Variants in NRIP2 observed in about 807,000 individuals in gnomAD.
NRIP2 encodes the protein nuclear receptor interacting protein 2.
A neutral mutation model predicts 34.1 loss-of-function variants in NRIP2; 27 were observed. The ratio of observed to expected loss-of-function variants is 0.79; its 90% CI spans 0.58 to 1.09. The LOEUF (loss-of-function observed/expected upper bound fraction) is 1.09, where lower values mean the gene tolerates loss of function less well. Among genes scored for constraint, NRIP2 ranks in the 50% least tolerant of loss-of-function variants. NRIP2 has a pLI of 0.00. For synonymous variants in NRIP2, 145 were observed against 146.9 expected (o/e 0.99, Z 0.09); for missense variants, 385 against 352.6 (o/e 1.09, Z -0.74).
Position 2,827,355 on chromosome 12 carries a change from G to A in NRIP2, c.754-56C>T. ...ACCTCAGCCCGCCACCTGCCTCCCG[G>A]CCTGCTCCTTTTGTTCCCCCTCCCA... On this transcript the variant is annotated intron_variant, in intron 5 of 5. Transcript: ENST00000337508. This position sits in a 1 kb window ranked among gnomAD's most constrained non-coding sequence, Gnocchi z 4.0. 1 of 1,567,438 alleles carries A rather than the reference G, an allele frequency of 6.4e-7. No individual in the cohort carries two copies. Among genetic ancestry groups the A allele is most frequent in the Middle Eastern group, 1.9e-4 (1 of 5,380 alleles).
intron 2 of NRIP2, among the ~76,000 whole-genome samples, chr12:2,828,851 CAAAA>C (rs914259779): frequency 5.9e-5 from 9 of 151,760 alleles, no homozygotes; most frequent in Non-Finnish European, 1.0e-4. Flanking sequence ...TCAAAACAAA[CAAAA>C]AAACTGGTTT....
Position 2,827,349 on chromosome 12 carries a change from C to G in NRIP2, c.754-50G>C. 1 of 1,578,068 alleles carries G rather than the reference C, an allele frequency of 6.3e-7. No individual in the cohort carries two copies. The highest frequency in any genetic ancestry group is 8.6e-7 in the Non-Finnish European group (1 of 1,165,020). On this transcript the variant is annotated intron_variant, in intron 5 of 5. Transcript: ENST00000337508. The surrounding 1 kb of genome is among the most constrained non-coding windows in gnomAD (Gnocchi z 4.0). ...CAGGTCACCTCAGCCCGCCACCTGC[C>G]TCCCGGCCTGCTCCTTTTGTTCCCC...
At position 2,825,577 on chromosome 12, in the gene NRIP2, G is replaced by GAGGGCAGGGGAGGCAGCTGAGAA. The variant is rs375141106; in HGVS notation, c.*1607_*1629dup. 1.4e-4 allele frequency: 21 copies of GAGGGCAGGGGAGGCAGCTGAGAA among 152,814 alleles called. No individual in the cohort carries two copies. The highest frequency in any genetic ancestry group is 9.2e-4 in the Admixed American group (14 of 15,294). The allele number at this position is 152,814 out of a possible 1,614,324, so 9.5% of individuals were successfully genotyped here. Reference sequence around the variant, plus strand: ...TAAGTGAGCCCTCTCCTTTCCTTCTGAGGGCAGGGGAGGCAGCTGAGAAAG... The same window carrying GAGGGCAGGGGAGGCAGCTGAGAA: ...TAAGTGAGCCCTCTCCTTTCCTTCTGAGGGCAGGGGAGGCAGCTGAGAAAGGGCAGGGGAGGCAGCTGAGAAAG... On this transcript the variant is annotated 3_prime_UTR_variant, in exon 6 of 6. Transcript: ENST00000337508.
In NRIP2 at chr12:2,827,423, C is replaced by T; in HGVS notation, c.754-124G>A. ...CTGCCTTTTGCTCTTCCCCCATCCC[C>T]ATTTCCCTAGACTCCTGTTGAAGGG... On this transcript the variant is annotated intron_variant, in intron 5 of 5. Coordinates refer to ENST00000337508, the MANE Select transcript of NRIP2 (RefSeq NM_031474.3). This position sits in a 1 kb window ranked among gnomAD's most constrained non-coding sequence, Gnocchi z 4.0. The T allele has an allele frequency of 6.6e-7, 1 of 1,522,564 alleles. No homozygotes were observed. The highest frequency in any genetic ancestry group is 2.3e-5 in the East Asian group (1 of 43,954). 94.3% of individuals were successfully genotyped at this position (1,522,564 alleles called of 1,614,324 possible).
In NRIP2 at chr12:2,827,432, A is replaced by C; in HGVS notation, c.754-133T>G. ...GCTCTTCCCCCATCCCCATTTCCCTAGACTCCTGTTGAAGGGGGTGACCCA... is the reference window on the plus strand; with the variant it reads ...GCTCTTCCCCCATCCCCATTTCCCTCGACTCCTGTTGAAGGGGGTGACCCA... On this transcript the variant is annotated intron_variant, in intron 5 of 5. Coordinates refer to ENST00000337508, the MANE Select transcript of NRIP2 (RefSeq NM_031474.3). This position sits in a 1 kb window ranked among gnomAD's most constrained non-coding sequence, Gnocchi z 4.0. The C allele has an allele frequency of 6.6e-7, 1 of 1,524,126 alleles. No homozygotes were observed. The highest frequency in any genetic ancestry group is 8.7e-7 in the Non-Finnish European group (1 of 1,143,576). The allele number at this position is 1,524,126 out of a possible 1,614,324, so 94.4% of individuals were successfully genotyped here. A position where few individuals can be genotyped will look rare whatever the true frequency, so the allele number is the denominator to read the frequency against.
chr12:2,832,794 G>A (rs983695836), intron 1 of NRIP2, among the ~76,000 whole-genome samples: 2 of 149,488 alleles, frequency 1.3e-5, no homozygotes, highest in African/African-American at 5.0e-5. Context: ...TCTTCCCCCA[G>A]GCTCTATGCA....
At chr12:2,833,302 C>G (rs2098012627) in intron 1 of NRIP2, among the ~76,000 whole-genome samples, 1 of 152,122 alleles carries the variant, frequency 6.6e-6, no homozygotes. Flanking sequence ...ACCCGCTTCC[C>G]TGCTCCATCC....
At chr12:2,834,198 G>A (rs1429006430) in intron 1 of NRIP2, among the ~76,000 whole-genome samples, 1 of 152,216 alleles carries the variant, frequency 6.6e-6, no homozygotes, top group Non-Finnish European at 1.5e-5. Context: ...GACCCCCGAT[G>A]TTTTGATTCT....
At position 2,827,287 on chromosome 12, in the gene NRIP2, G is replaced by A; in HGVS notation, c.766C>T (p.Leu256=). The change falls in exon 6 of 6, where the codon CTG becomes TTG. Residue 256 remains leucine, a synonymous_variant. Transcript: ENST00000337508. This position sits in a 1 kb window ranked among gnomAD's most constrained non-coding sequence, Gnocchi z 4.0. ...TTCAGCCGCAGCACTCCGTGCTCCA[G>A]GTCGATGCAGCACTGCGGGGTGTAG... ...TLLSLKCCID[L]EHGVLRLKAP... 6.2e-7 allele frequency: 1 copy of A among 1,613,868 alleles called. No homozygotes were observed. Among genetic ancestry groups the A allele is most frequent in the East Asian group, 2.2e-5 (1 of 44,876 alleles).
At chr12:2,830,479 C>T in intron 2 of NRIP2, 1 of 477,300 alleles carries the variant, frequency 2.1e-6, no homozygotes, top group East Asian at 3.6e-5. Flanking sequence ...TGTATTTTGA[C>T]CAAGGAAGGG....
chr12:2,833,791 A>G (rs2098014853), intron 1 of NRIP2, among the ~76,000 whole-genome samples: 2 of 152,184 alleles, frequency 1.3e-5, no homozygotes, highest in African/African-American at 4.8e-5. Context: ...TGCTTTAAAT[A>G]TATTAGCTCT....
chr12:2,830,889 G>C, intron 1 of NRIP2, 29 bp from the exon 2 acceptor site: 1 of 1,605,682 alleles, frequency 6.2e-7, no homozygotes, highest in Non-Finnish European at 8.5e-7. Flanking sequence ...AATGAAGGTA[G>C]GCAGTTCTAA....
rs1183922339 is a variant in NRIP2, at chr12:2,827,271, A to C, written c.782T>G (p.Leu261Arg). ...CTCTGAGAACGGGGCTTTCAGCCGCAGCACTCCGTGCTCCAGGTCGATGCA... is the reference window on the plus strand; with the variant it reads ...CTCTGAGAACGGGGCTTTCAGCCGCCGCACTCCGTGCTCCAGGTCGATGCA... ...KCCIDLEHGVLRLKAPFSELP... is the reference protein window; with the variant it reads ...KCCIDLEHGVRRLKAPFSELP... The change falls in exon 6 of 6, where the codon CTG (leucine) becomes CGG (arginine). Residue 261 changes from leucine to arginine, a missense_variant. Coordinates refer to ENST00000337508, the MANE Select transcript of NRIP2 (RefSeq NM_031474.3). The surrounding 1 kb of genome is among the most constrained non-coding windows in gnomAD (Gnocchi z 4.0). 1.2e-6 allele frequency: 2 copies of C among 1,614,076 alleles called. No individual in the cohort carries two copies. Among genetic ancestry groups the C allele is most frequent in the Non-Finnish European group, 1.7e-6 (2 of 1,180,008 alleles).
Position 2,827,308 on chromosome 12 carries a change from T to C in NRIP2, c.754-9A>G, listed in dbSNP as rs1603483727. 1 of 1,611,060 alleles carries C rather than the reference T, an allele frequency of 6.2e-7. No individual in the cohort carries two copies. The highest frequency in any genetic ancestry group is 8.5e-7 in the Non-Finnish European group (1 of 1,179,020). On this transcript the variant is annotated splice_polypyrimidine_tract_variant and intron_variant, in intron 5 of 5. Coordinates refer to ENST00000337508, the MANE Select transcript of NRIP2 (RefSeq NM_031474.3). The surrounding 1 kb of genome is among the most constrained non-coding windows in gnomAD (Gnocchi z 4.0). ...TCCAGGTCGATGCAGCACTGCGGGG[T>C]GTAGAGCAGTCATGCCAGGTCACCT...
rs1205719222 is a variant in NRIP2, at chr12:2,826,382, C to T, written c.*825G>A. ...AGAAAGAATGCTGAATAGGTGAAGT[C>T]TGAGTGGTGACAACCTCACTGTCCT... is the stretch of plus-strand genomic sequence containing the variant. On this transcript the variant is annotated 3_prime_UTR_variant, in exon 6 of 6. Transcript: ENST00000337508. 1 of 151,970 alleles carries T rather than the reference C, an allele frequency of 6.6e-6. No homozygotes were observed. The highest frequency in any genetic ancestry group is 1.9e-4 in the East Asian group (1 of 5,174). 9.4% of individuals were successfully genotyped at this position (151,970 alleles called of 1,614,324 possible). A position where few individuals can be genotyped will look rare whatever the true frequency, so the allele number is the denominator to read the frequency against.
chr12:2,827,698 C>T lies in NRIP2; in HGVS notation c.701-21G>A, dbSNP rs368189033. 11 of 1,613,786 alleles carry T rather than the reference C, an allele frequency of 6.8e-6. No individual in the cohort carries two copies. In the African/African-American group the frequency reaches 1.5e-4, roughly 22 times the overall value. ...AGCATCTATAGGAACAATTTGAAAA[C>T]AGAAGAGGCTGAGGGTTCCCAGTGG... On this transcript the variant is annotated intron_variant, in intron 4 of 5. Transcript: ENST00000337508. This position sits in a 1 kb window ranked among gnomAD's most constrained non-coding sequence, Gnocchi z 4.0.
chr12:2,827,821 T>C lies in NRIP2; in HGVS notation c.700+105A>G, dbSNP rs1603483794. On this transcript the variant is annotated intron_variant, in intron 4 of 5. Transcript: ENST00000337508. The surrounding 1 kb of genome is among the most constrained non-coding windows in gnomAD (Gnocchi z 4.0). ...AGAGATGGGGGATAGTCAGAACATC[T>C]CTGGGAACTCCTCGTGCTGCAGGGA... 2 of 1,603,970 alleles carry C rather than the reference T, an allele frequency of 1.2e-6. No individual in the cohort carries two copies. The highest frequency in any genetic ancestry group is 1.3e-5 in the African/African-American group (1 of 74,718).
rs1349053365 is a variant in NRIP2 at position 2,825,747 on chromosome 12, C to T, written c.*1460G>A. ...TCCCTTGTTCAGGTTAGCTGTACCA[C>T]TGTCTTTCTCTGCTCCTTTTTTGTT... On this transcript the variant is annotated 3_prime_UTR_variant, in exon 6 of 6. Transcript: ENST00000337508. 6.6e-6 allele frequency: 1 copy of T among 152,332 alleles called. No homozygotes were observed. Among genetic ancestry groups the T allele is most frequent in the Admixed American group, 6.5e-5 (1 of 15,274 alleles). The allele number at this position is 152,332 out of a possible 1,614,324, so 9.4% of individuals were successfully genotyped here. A position where few individuals can be genotyped will look rare whatever the true frequency, so the allele number is the denominator to read the frequency against.
In NRIP2 at chr12:2,829,654, C is replaced by G. The variant is rs2097989963; in HGVS notation, c.495+1054G>C. ...TGGTGGCGCACACTTGTAATTTTAG[C>G]TACTCAGAAGACTGAGGTGGGAGGA... is the stretch of plus-strand genomic sequence containing the variant. On this transcript the variant is annotated intron_variant, in intron 2 of 5. Transcript: ENST00000337508. Among the ~76,000 whole-genome samples the G allele has an allele frequency of 5.3e-5, 8 of 152,030 alleles. No homozygotes were observed. In the South Asian group the frequency reaches 1.7e-3, roughly 32 times the overall value.
Sources: gnomAD v4.1 joint callset for allele counts (sites outside exome capture counted in the v4.1 genomes callset) on GRCh38, gnomAD v4.1.1 for gene constraint, Gnocchi (gnomAD v3.1) non-coding constraint, MANE v1.5 for transcripts, NCBI Gene and HGNC (gene_info 2026-07-23, HGNC 2026-07-21) for gene names.